The following CAPN9 variants were observed in gnomAD, a reference collection of about 807,000 sequenced individuals.
CAPN9 encodes calpain 9, also known as calpain-9.
A neutral mutation model predicts 92.8 loss-of-function variants in CAPN9; 81 were observed. The observed-to-expected ratio is 0.87, with a 90% CI of 0.73 to 1.05. CAPN9 has a LOEUF of 1.05. CAPN9 is among the 50% of genes least tolerant of loss of function. The pLI is 0.00. For missense variants in CAPN9, 848 were observed against 866.2 expected (o/e 0.98, Z 0.26); for synonymous variants, 304 against 328.0 (o/e 0.93, Z 0.79).
Position 230,770,254 on chromosome 1 carries a change from T to C in CAPN9, c.789+991T>C, listed in dbSNP as rs28359651. On this transcript the variant is annotated intron_variant, in intron 6 of 19. Coordinates refer to ENST00000271971, the MANE Select transcript of CAPN9 (RefSeq NM_006615.3). ...GCCTAGCCACCAGGAACACCAATGG[T>C]AAAAGTCCCAGTCTGAGGGCAGGAG... Among the ~76,000 whole-genome samples the C allele has an allele frequency of 3.4e-3, 520 of 152,210 alleles. 1 individual carries two copies. The highest frequency in any genetic ancestry group is 0.012 in the African/African-American group (478 of 41,542).
chr1:230,795,240 G>T lies in CAPN9; in HGVS notation c.1948G>T (p.Asp650Tyr). The T allele has an allele frequency of 1.2e-6, 2 of 1,613,484 alleles. No homozygotes were observed. Among genetic ancestry groups the T allele is most frequent in the South Asian group, 2.2e-5 (2 of 90,976 alleles). Residue 650 changes from aspartate to tyrosine, a missense_variant, in exon 18 of 20, where the codon GAC becomes TAC. By Grantham distance (160) the Asp-to-Tyr change is radical. Transcript: ENST00000271971. ...ADEELQLDFD[D>Y]FLNCLVRLEN... ...TGAGGAGCTCCAGCTGGACTTCGAT[G>T]ACTTCCTCAACTGCCTGGTCCGGCT...
chr1:230,801,864 C>T lies in CAPN9; in HGVS notation c.*268C>T. On this transcript the variant is annotated 3_prime_UTR_variant, in exon 20 of 20. Transcript: ENST00000271971. Reference sequence around the variant, plus strand: ...CCAGGTTCAGGCATCACTAGCTTTCCCACACTCTACTTTCCTTATTTCCTT... The same window carrying T: ...CCAGGTTCAGGCATCACTAGCTTTCTCACACTCTACTTTCCTTATTTCCTT... The T allele has an allele frequency of 3.8e-6, 2 of 522,184 alleles. No homozygotes were observed. The highest frequency in any genetic ancestry group is 3.1e-5 in the Admixed American group (1 of 32,184). The allele number at this position is 522,184 out of a possible 1,614,324, so 32.3% of individuals were successfully genotyped here. A position where few individuals can be genotyped will look rare whatever the true frequency, so the allele number is the denominator to read the frequency against.
chr1:230,777,778 G>A (rs190059749), intron 8 of CAPN9, among the ~76,000 whole-genome samples: 5 of 151,920 alleles, frequency 3.3e-5, no homozygotes, highest in Non-Finnish European at 5.9e-5. Flanking sequence ...GCTGGATTGC[G>A]GGGGACCACA....
chr1:230,797,725 G>A (rs988044779), intron 18 of CAPN9, among the ~76,000 whole-genome samples: 2 of 152,146 alleles, frequency 1.3e-5, no homozygotes, highest in Admixed American at 1.3e-4. Context: ...GTGCTGGCAC[G>A]CTCTCCTGTG....
At chr1:230,772,155 C>A in intron 7 of CAPN9, 56 bp downstream of exon 7, 1 of 1,449,982 alleles carries the variant, frequency 6.9e-7, no homozygotes, top group Non-Finnish European at 9.7e-7. Flanking sequence ...GGGGCCAGAG[C>A]TGGCTTGTGC....
At chr1:230,781,646 C>T (rs541132679) in intron 11 of CAPN9, among the ~76,000 whole-genome samples, 3 of 152,246 alleles carry the variant, frequency 2.0e-5, no homozygotes, top group African/African-American at 7.2e-5. Context: ...TTTCTTTTCC[C>T]GATGACAATA....
rs568487363 is a variant in CAPN9, at chr1:230,764,123, G to A, written c.536+1337G>A. On this transcript the variant is annotated intron_variant, in intron 4 of 19. Transcript: ENST00000271971. ...TTAGTTTTATGTGTCAACTTGATTG[G>A]GCCAAGGGATGCCCAGATAGCTGGT... 2.8e-4 allele frequency among the ~76,000 whole-genome samples: 43 copies of A among 152,340 alleles called. No homozygotes were observed. The South Asian group carries it at 6.6e-3, about 23-fold the overall frequency.
intron 4 of CAPN9, among the ~76,000 whole-genome samples, chr1:230,767,015 A>G (rs1415011540): frequency 6.6e-6 from 1 of 152,174 alleles, no homozygotes; most frequent in African/African-American, 2.4e-5. Context: ...GAGCACATAT[A>G]TGTAAAATGC....
At chr1:230,799,307 G>A (rs913044340) in intron 19 of CAPN9, among the ~76,000 whole-genome samples, 4 of 152,112 alleles carry the variant, frequency 2.6e-5, no homozygotes, top group East Asian at 1.9e-4. Context: ...CAGGCTGCTC[G>A]GTGCCTCAGT....
rs754568420 is a variant in CAPN9 at position 230,747,513 on chromosome 1, G to A, written c.17G>A (p.Arg6Gln). ...GGAGCAGCCATGCCTTACCTCTACC[G>A]GGCCCCAGGGCCTCAGGCACACCCG... MPYLYRAPGPQAHPVP... is the reference protein window; with the variant it reads MPYLYQAPGPQAHPVP... The change falls in exon 1 of 20, where the codon CGG becomes CAG. Residue 6 changes from arginine to glutamine, a missense_variant. By Grantham distance (43) the Arg-to-Gln change is conservative. Coordinates refer to ENST00000271971, the MANE Select transcript of CAPN9 (RefSeq NM_006615.3). 29 of 1,613,840 alleles carry A rather than the reference G, an allele frequency of 1.8e-5. No homozygotes were observed. The Middle Eastern group carries it at 4.9e-4, about 27-fold the overall frequency.
intron 3 of CAPN9, 65 bp downstream of exon 3, chr1:230,759,695 T>G (rs1310504407): frequency 2.0e-6 from 2 of 986,120 alleles, no homozygotes; most frequent in Non-Finnish European, 3.0e-6. Flanking sequence ...CAGGTGCATT[T>G]CCACACTGCC....
chr1:230,791,499 A>G (rs1372360492), intron 14 of CAPN9, among the ~76,000 whole-genome samples: 1 of 152,210 alleles, frequency 6.6e-6, no homozygotes, highest in Non-Finnish European at 1.5e-5. Context: ...ATAATACTTC[A>G]TTATATAGAC....
chr1:230,753,099 G>C (rs976266274), intron 1 of CAPN9, among the ~76,000 whole-genome samples: 2 of 152,166 alleles, frequency 1.3e-5, no homozygotes, highest in African/African-American at 4.8e-5. Flanking sequence ...GGCAAGCCAA[G>C]CCAGGACCCC....
chr1:230,785,785 T>A (rs1215814356), intron 11 of CAPN9, among the ~76,000 whole-genome samples, 196 bp from the exon 12 acceptor site: 1 of 152,196 alleles, frequency 6.6e-6, no homozygotes, highest in African/African-American at 2.4e-5. Context: ...CTTATTTACA[T>A]TCTGAGCAAG....
intron 5 of CAPN9, 107 bp downstream of exon 5, chr1:230,767,816 G>A: frequency 1.9e-6 from 2 of 1,054,906 alleles, no homozygotes; most frequent in East Asian, 2.4e-5. Context: ...ACCCAAGGAG[G>A]GGCATAACTC....
chr1:230,769,725 T>C (rs1572040547), intron 6 of CAPN9, among the ~76,000 whole-genome samples: 1 of 151,998 alleles, frequency 6.6e-6, no homozygotes, highest in Non-Finnish European at 1.5e-5. Flanking sequence ...CTTGAACTTA[T>C]ATGGGGATTT....
At chr1:230,754,593 G>C (rs1292550315) in intron 1 of CAPN9, among the ~76,000 whole-genome samples, 1 of 149,864 alleles carries the variant, frequency 6.7e-6, no homozygotes, top group Non-Finnish European at 1.5e-5. Context: ...CTTGAGGCCA[G>C]GAGTTTGAGA....
In CAPN9 at chr1:230,780,238, G is replaced by T. The variant is rs144741428; in HGVS notation, c.1174G>T (p.Glu392Ter). ...LSLTEKDEGQEECSFLVALMQ... is the reference protein window; with the variant it reads ...LSLTEKDEGQ The stretch of plus-strand genomic sequence containing the variant: ...TCTGACTGAGAAAGATGAGGGGCAG[G>T]AGGAGTGTAGTTTCCTTGTAGCCCT... Residue 392 changes from glutamate to a stop codon, truncating the protein, a stop_gained, in exon 10 of 20, where the codon GAG becomes TAG. Coordinates refer to ENST00000271971, the MANE Select transcript of CAPN9 (RefSeq NM_006615.3). LOFTEE classifies it high-confidence loss of function. 3.2e-5 allele frequency: 52 copies of T among 1,613,854 alleles called. No homozygotes were observed. The highest frequency in any genetic ancestry group is 4.2e-5 in the Non-Finnish European group (50 of 1,179,860).
Position 230,747,555 on chromosome 1 carries a change from G to A in CAPN9, c.59G>A (p.Arg20Gln), listed in dbSNP as rs762312745. ...PQAHPVPKDA[R>Q]ITHSSGQSFE... is the part of the protein sequence containing the mutation. ...GCACACCCGGTTCCCAAGGACGCCC[G>A]GATCACCCACTCCTCAGGCCAGAGC... Residue 20 changes from arginine to glutamine, a missense_variant, in exon 1 of 20, where the codon CGG becomes CAG. Arg to Gln is a conservative substitution (Grantham distance 43). Transcript: ENST00000271971. 24 of 1,614,142 alleles carry A rather than the reference G, an allele frequency of 1.5e-5. 1 individual carries two copies. The highest frequency in any genetic ancestry group is 7.7e-5 in the South Asian group (7 of 91,086).
Sources: gnomAD v4.1 joint callset for allele counts (sites outside exome capture counted in the v4.1 genomes callset) on GRCh38, gnomAD v4.1.1 for gene constraint, MANE v1.5 for transcripts, NCBI Gene and HGNC (gene_info 2026-07-23, HGNC 2026-07-21) for gene names.